The following ABCB7 variants were observed in gnomAD, a reference collection of about 807,000 sequenced individuals.
The protein encoded by ABCB7 is iron-sulfur clusters transporter ABCB7, mitochondrial.
Under a neutral mutation model 54.4 loss-of-function variants are expected in ABCB7, and 7 were observed. The observed-to-expected ratio is 0.13, with a 90% CI of 0.07 to 0.24. The LOEUF is 0.24. Ranked by LOEUF, ABCB7 falls within the 10% of genes least tolerant of loss-of-function variation. ABCB7 has a pLI of 1.00. For synonymous variants in ABCB7, 218 were observed against 207.1 expected, an observed-to-expected ratio of 1.05 and a Z score of -0.45; for missense variants, 356 against 570.4, an observed-to-expected ratio of 0.62 and a Z score of 3.83.
intron 10 of ABCB7, 112 bp from the exon 11 acceptor site, chrX:75,069,566 T>C: frequency 1.2e-6 from 1 of 845,884 alleles, no homozygotes; most frequent in Non-Finnish European, 1.7e-6. Context: ...AGAAGGAGGT[T>C]TATAAGTGGA....
chrX:75,120,289 T>C (rs920697388), intron 1 of ABCB7, among the ~76,000 whole-genome samples: 3 of 112,359 alleles, frequency 2.7e-5, no homozygotes, highest in Non-Finnish European at 5.6e-5. Flanking sequence ...TTTATGGAAA[T>C]ATAGTAATTT....
At chrX:75,117,366 A>G (rs1167067110) in intron 1 of ABCB7, among the ~76,000 whole-genome samples, 3 of 110,878 alleles carry the variant, frequency 2.7e-5, no homozygotes, top group East Asian at 5.7e-4. Flanking sequence ...GCGCACACCA[A>G]TTGACTGACT....
intron 3 of ABCB7, among the ~76,000 whole-genome samples, chrX:75,109,950 T>C (rs1382777770): frequency 8.9e-6 from 1 of 112,033 alleles, no homozygotes; most frequent in African/African-American, 3.2e-5. Flanking sequence ...AGAGTATAAC[T>C]GGAAAATTTT....
At chrX:75,120,426 TG>T (rs201545980) in intron 1 of ABCB7, among the ~76,000 whole-genome samples, 2,366 of 109,778 alleles carry the variant, frequency 0.022, 71 homozygotes, top group African/African-American at 0.075. Flanking sequence ...GCCTGGCTAA[TG>T]GTAAAACCCT....
intron 4 of ABCB7, among the ~76,000 whole-genome samples, chrX:75,096,603 G>C (rs1248009428): frequency 9.0e-6 from 1 of 110,649 alleles, no homozygotes; most frequent in Non-Finnish European, 1.9e-5. Flanking sequence ...TCTAGACCTG[G>C]GCTCCTTCCT....
chrX:75,131,293 C>A (rs2081971871), intron 1 of ABCB7, among the ~76,000 whole-genome samples: 1 of 109,019 alleles, frequency 9.2e-6, no homozygotes, highest in African/African-American at 3.3e-5. Context: ...AGTTTTATAT[C>A]CAACTTAATT....
At position 75,065,288 on chromosome X, in the gene ABCB7, C is replaced by T. The variant is rs190222089; in HGVS notation, c.1660-47G>A. 2.4e-4 allele frequency: 251 copies of T among 1,036,760 alleles called. No homozygotes were observed. The African/African-American group carries it at 7.1e-3, about 29-fold the overall frequency. 85.4% of individuals were successfully genotyped at this position (1,036,760 alleles called of 1,213,427 possible). A position where few individuals can be genotyped will look rare whatever the true frequency, so the allele number is the denominator to read the frequency against. On this transcript the variant is annotated intron_variant, in intron 12 of 15. Transcript: ENST00000373394. Reference sequence around the variant, plus strand: ...AATATATATCTATATCTATATATCTCTCTCTATTTATGTTCATTATTAAAA... The same window carrying T: ...AATATATATCTATATCTATATATCTTTCTCTATTTATGTTCATTATTAAAA...
intron 1 of ABCB7, among the ~76,000 whole-genome samples, chrX:75,115,785 T>G (rs2081811439): frequency 9.8e-6 from 1 of 102,495 alleles, no homozygotes; most frequent in Non-Finnish European, 2.0e-5. Flanking sequence ...TGTGTGTGTG[T>G]TGGGGGGGGG....
At chrX:75,153,760 G>GTATA (rs55904708) in intron 1 of ABCB7, among the ~76,000 whole-genome samples, 5 of 94,145 alleles carry the variant, frequency 5.3e-5, no homozygotes, top group African/African-American at 1.1e-4. Context: ...GTGTGTGTGT[G>GTATA]TATATATATA....
chrX:75,135,365 A>G (rs907324166), intron 1 of ABCB7, among the ~76,000 whole-genome samples: 68 of 111,372 alleles, frequency 6.1e-4, no homozygotes, highest in Non-Finnish European at 5.7e-4. Flanking sequence ...CCTGGAACAG[A>G]CAGATTCACA....
At chrX:75,102,136 C>T (rs1258611147) in intron 3 of ABCB7, among the ~76,000 whole-genome samples, 2 of 110,866 alleles carry the variant, frequency 1.8e-5, no homozygotes, top group Non-Finnish European at 3.8e-5. Flanking sequence ...ATGATCAAAT[C>T]GGAGTATTTG....
intron 1 of ABCB7, among the ~76,000 whole-genome samples, chrX:75,149,704 A>G (rs1275446960): frequency 1.8e-5 from 2 of 111,932 alleles, no homozygotes; most frequent in African/African-American, 6.5e-5. Context: ...TCCACAAGAT[A>G]CATAACTACT....
At position 75,098,621 on chromosome X, in the gene ABCB7, T is replaced by C. The variant is rs144116778; in HGVS notation, c.453+321A>G. On this transcript the variant is annotated intron_variant, in intron 4 of 15. Transcript: ENST00000373394. ...ATCTGGGAACCAAGCTTACCAAAAA[T>C]ATGTATTATTTCGGAGCCAAAGAGG... is the stretch of plus-strand genomic sequence containing the variant. Among the ~76,000 whole-genome samples, 964 of 111,325 alleles carry C rather than the reference T, an allele frequency of 8.7e-3. 14 individuals are homozygous for C. The highest frequency in any genetic ancestry group is 0.03 in the African/African-American group (915 of 30,620).
At chrX:75,067,308 G>A (rs2081328297) in intron 12 of ABCB7, among the ~76,000 whole-genome samples, 1 of 111,276 alleles carries the variant, frequency 9.0e-6, no homozygotes, top group Non-Finnish European at 1.9e-5. Flanking sequence ...TACTGATGAT[G>A]TATATTTTCC....
intron 3 of ABCB7, among the ~76,000 whole-genome samples, chrX:75,104,227 C>T (rs180686992): frequency 1.0e-4 from 11 of 106,032 alleles, no homozygotes; most frequent in Non-Finnish European, 2.1e-4. Flanking sequence ...TTATCAAATG[C>T]TCTTCCTGTG....
At chrX:75,102,873 T>C (rs1246256410) in intron 3 of ABCB7, among the ~76,000 whole-genome samples, 2 of 111,878 alleles carry the variant, frequency 1.8e-5, no homozygotes, top group Non-Finnish European at 3.8e-5. Flanking sequence ...GGATATCTCA[T>C]GTGGTCTTGA....
intron 12 of ABCB7, 25 bp downstream of exon 12, chrX:75,068,982 T>A (rs772327786): frequency 5.0e-6 from 6 of 1,202,936 alleles, no homozygotes; most frequent in Non-Finnish European, 6.7e-6. Flanking sequence ...CCTCCAAAAA[T>A]TTGTTTTTTT....
chrX:75,064,891 T>C, intron 13 of ABCB7, among the ~76,000 whole-genome samples, 179 bp downstream of exon 13: 1 of 110,711 alleles, frequency 9.0e-6, no homozygotes, highest in Non-Finnish European at 1.9e-5. Flanking sequence ...GACTTGAGAA[T>C]AGTTACTAAT....
chrX:75,087,605 T>C (rs1304809552), intron 4 of ABCB7, among the ~76,000 whole-genome samples: 2 of 111,572 alleles, frequency 1.8e-5, no homozygotes, highest in African/African-American at 3.3e-5. Flanking sequence ...TAGCTGAATA[T>C]GGATCCTGAG....
Sources: allele counts gnomAD v4.1 joint callset (sites outside exome capture counted in the v4.1 genomes callset), GRCh38; gene constraint gnomAD v4.1.1; transcripts MANE v1.5; gene names NCBI Gene and HGNC (gene_info 2026-07-23, HGNC 2026-07-21).